Variants in MIOS observed in about 807,000 individuals in gnomAD.
The protein encoded by MIOS is meiosis regulator for oocyte development.
A neutral mutation model predicts 96.9 loss-of-function variants in MIOS; 52 were observed. The ratio of observed to expected loss-of-function variants is 0.54; its 90% confidence interval spans 0.43 to 0.68. The LOEUF is 0.68. Among genes scored for constraint, MIOS ranks in the 30% least tolerant of loss-of-function variants. MIOS has a pLI of 0.00. For missense variants in MIOS, 1,005 were observed against 1,052.8 expected, an observed-to-expected ratio of 0.95 and a Z score of 0.63; for synonymous variants, 397 against 359.5, an observed-to-expected ratio of 1.10 and a Z score of -1.18.
Position 7,597,515 on chromosome 7 carries a change from T to TAAAA in MIOS, c.2401+1055_2401+1056insAAAA, listed in dbSNP as rs202130987. On this transcript the variant is annotated intron_variant, in intron 11 of 12. Transcript: ENST00000340080. ...ATATATATATATATATATATATATA[T>TAAAA]ATGAAGGCAATACGTAATGTTTTAA... Among the ~76,000 whole-genome samples the TAAAA allele has an allele frequency of 5.5e-3, 52 of 9,526 alleles. 11 individuals are homozygous for TAAAA. The highest frequency in any genetic ancestry group is 0.02 in the East Asian group (9 of 444). 6.2% of individuals were successfully genotyped at this position (9,526 alleles called of 152,430 possible). A position where few individuals can be genotyped will look rare whatever the true frequency, so the allele number is the denominator to read the frequency against.
intron 9 of MIOS, among the ~76,000 whole-genome samples, 156 bp from the exon 10 acceptor site, chr7:7,594,824 A>G (rs1784156054): frequency 1.3e-5 from 2 of 151,120 alleles, no homozygotes; most frequent in Non-Finnish European, 2.9e-5. Context: ...TGGAGCTTCC[A>G]TAAATTTTCT....
chr7:7,590,699 G>A (rs1784022558), intron 9 of MIOS, among the ~76,000 whole-genome samples: 1 of 151,772 alleles, frequency 6.6e-6, no homozygotes. Flanking sequence ...GCCTCTATTG[G>A]CTTTTTAGCT....
chr7:7,599,907 C>T (rs1381605232), intron 11 of MIOS, among the ~76,000 whole-genome samples: 1 of 152,070 alleles, frequency 6.6e-6, no homozygotes, highest in Non-Finnish European at 1.5e-5. Context: ...GGCCATTATC[C>T]TAAGCAAACT....
At chr7:7,583,516 C>T in intron 6 of MIOS, 144 bp downstream of exon 6, 2 of 939,180 alleles carry the variant, frequency 2.1e-6, no homozygotes, top group African/African-American at 1.7e-5. Context: ...GAAAACACAG[C>T]AGTATATCTA....
rs1248486153 is a variant in MIOS, at chr7:7,583,933, TTACTCTGGCATTTTGCCAG to T, written c.1648+562_1648+580del. ...TTAAAAAGAAAGAGATAAGGTTTTT[TTACTCTGGCATTTTGCCAG>T]AGGATCCTCGGAAAAACAAATCCTA... On this transcript the variant is annotated intron_variant, in intron 6 of 12. Transcript: ENST00000340080. Among the ~76,000 whole-genome samples, 3 of 152,146 alleles carry T rather than the reference TTACTCTGGCATTTTGCCAG, an allele frequency of 2.0e-5. No individual in the cohort carries two copies. The East Asian group carries it at 5.8e-4, about 29-fold the overall frequency.
chr7:7,606,199 T>G (rs754462886), intron 12 of MIOS, 128 bp downstream of exon 12: 72 of 1,240,544 alleles, frequency 5.8e-5, no homozygotes, highest in Non-Finnish European at 7.6e-5. Context: ...CTGTCACTCA[T>G]GTTAACAAAG....
chr7:7,571,815 TGAA>T (rs1186920533), intron 3 of MIOS, among the ~76,000 whole-genome samples: 2 of 152,266 alleles, frequency 1.3e-5, no homozygotes, highest in Admixed American at 6.5e-5. Flanking sequence ...TTACTAAAGT[TGAA>T]GAAACCGCTG....
chr7:7,583,317 C>G lies in MIOS; in HGVS notation c.1593C>G (p.Asn531Lys). 6.2e-7 allele frequency: 1 copy of G among 1,613,924 alleles called. No individual in the cohort carries two copies. The highest frequency in any genetic ancestry group is 8.5e-7 in the Non-Finnish European group (1 of 1,179,880). Residue 531 changes from asparagine (N) to lysine (K), a missense_variant, in exon 6 of 13, where the codon AAC becomes AAG. This residue lies in a region of MIOS where 865 missense variants were observed against 887.9 expected (regional missense o/e 0.97). Transcript: ENST00000340080. ...GAGCTGCTGCTGTGGCATTGTTCAA[C>G]TTGGATATTCGCCGAGCAATCCAAA... ...WERAAAVALF[N>K]LDIRRAIQIL... is the part of the protein sequence containing the mutation.
At chr7:7,599,732 A>C (rs1457673087) in intron 11 of MIOS, among the ~76,000 whole-genome samples, 1 of 152,218 alleles carries the variant, frequency 6.6e-6, no homozygotes, top group African/African-American at 2.4e-5. Context: ...TGATCTTTAA[A>C]GGCATTGCTG....
intron 9 of MIOS, among the ~76,000 whole-genome samples, chr7:7,590,377 A>G (rs1483855960): frequency 6.6e-6 from 1 of 152,250 alleles, no homozygotes; most frequent in Non-Finnish European, 1.5e-5. Flanking sequence ...TTGTTGAGAT[A>G]AAATTATGTC....
In MIOS at chr7:7,608,396, A is replaced by C. The variant is rs1388433368; in HGVS notation, c.*1304A>C. On this transcript the variant is annotated 3_prime_UTR_variant, in exon 13 of 13. Transcript: ENST00000340080. ...TATAAAAACTAAGATTTGTCAGATT[A>C]GTTTGAGGTGTAACCTAAATATTAA... is the stretch of plus-strand genomic sequence containing the variant. The C allele has an allele frequency of 6.6e-6, 1 of 152,072 alleles. No homozygotes were observed. The highest frequency in any genetic ancestry group is 2.4e-5 in the African/African-American group (1 of 41,438). The allele number at this position is 152,072 out of a possible 1,614,324, so 9.4% of individuals were successfully genotyped here.
intron 12 of MIOS, 48 bp downstream of exon 12, chr7:7,606,119 A>G (rs1288831218): frequency 1.3e-6 from 2 of 1,596,704 alleles, no homozygotes; most frequent in African/African-American, 1.3e-5. Context: ...ATGGGGGATA[A>G]CACAGATTGC....
At position 7,596,354 on chromosome 7, in the gene MIOS, G is replaced by T. The variant is rs2115466419; in HGVS notation, c.2294G>T (p.Gly765Val). The change falls in exon 11 of 13, where the codon GGC (glycine) becomes GTC (valine). Residue 765 changes from glycine to valine, a missense_variant. By Grantham distance (109) the Gly-to-Val change is moderately radical. Around this residue, in one of 3 missense-constraint regions of MIOS, gnomAD observed 865 missense variants for 887.9 expected, o/e 0.97. Transcript: ENST00000340080. ...GRGFSQYGVS[G>V]SPTKSKVTSC... is the part of the protein sequence containing the mutation. ...GGTTTTAGTCAGTATGGTGTGAGTG[G>T]CTCACCAACGAAATCTAAAGTCACA... The T allele has an allele frequency of 6.2e-7, 1 of 1,614,058 alleles. No homozygotes were observed. The highest frequency in any genetic ancestry group is 8.5e-7 in the Non-Finnish European group (1 of 1,179,998).
At chr7:7,602,395 T>C (rs1784405695) in intron 11 of MIOS, among the ~76,000 whole-genome samples, 1 of 152,194 alleles carries the variant, frequency 6.6e-6, no homozygotes, top group African/African-American at 2.4e-5. Flanking sequence ...ACAAAATCAA[T>C]GTGCAGAAAT....
chr7:7,588,541 G>A lies in MIOS; in HGVS notation c.1862G>A (p.Cys621Tyr). 6.3e-7 allele frequency: 1 copy of A among 1,592,412 alleles called. No individual in the cohort carries two copies. Among genetic ancestry groups the A allele is most frequent in the Non-Finnish European group, 8.6e-7 (1 of 1,168,110 alleles). ...GTACGTGACAGAGTGGCATTTGCTT[G>A]TAAATTCCTTAGTGATACTCAGGTG... ...VAVRDRVAFACKFLSDTQLNR... is the reference protein window; with the variant it reads ...VAVRDRVAFAYKFLSDTQLNR... Residue 621 changes from cysteine (C) to tyrosine (Y), a missense_variant, in exon 8 of 13, where the codon TGT becomes TAT. By Grantham distance (194) the Cys-to-Tyr change is radical. This residue lies in a region of MIOS where 865 missense variants were observed against 887.9 expected (regional missense o/e 0.97). Coordinates refer to ENST00000340080, the MANE Select transcript of MIOS (RefSeq NM_019005.4).
intron 11 of MIOS, among the ~76,000 whole-genome samples, chr7:7,602,117 TACTG>T (rs1428431764): frequency 6.6e-6 from 1 of 152,188 alleles, no homozygotes; most frequent in African/African-American, 2.4e-5. Context: ...GCCAATATCA[TACTG>T]AATGGACAAA....
At chr7:7,604,612 G>A (rs1784474188) in intron 11 of MIOS, among the ~76,000 whole-genome samples, 1 of 152,116 alleles carries the variant, frequency 6.6e-6, no homozygotes, top group African/African-American at 2.4e-5. Flanking sequence ...TACATTATGA[G>A]TTAATGCATA....
At chr7:7,581,019 TA>T (rs1245887618) in intron 5 of MIOS, among the ~76,000 whole-genome samples, 1 of 150,312 alleles carries the variant, frequency 6.7e-6, no homozygotes, top group Non-Finnish European at 1.5e-5. Context: ...TTAGTCTGAA[TA>T]CTTGAAAAGA....
chr7:7,605,327 C>T (rs945850636), intron 11 of MIOS: 1 of 148,222 alleles, frequency 6.7e-6, no homozygotes, highest in Non-Finnish European at 1.5e-5. Context: ...CAAAGTCTTG[C>T]TCCATCACCC....
Sources: allele counts gnomAD v4.1 joint callset (sites outside exome capture counted in the v4.1 genomes callset), GRCh38; gene constraint gnomAD v4.1.1; regional missense constraint gnomAD v4.1.1; transcripts MANE v1.5; gene names NCBI Gene and HGNC (gene_info 2026-07-23, HGNC 2026-07-21).